NAALADL2: variants seen among roughly 807,000 people sequenced by gnomAD.
NAALADL2 encodes the protein N-acetylated alpha-linked acidic dipeptidase like 2.
Under a neutral mutation model 87.2 loss-of-function variants are expected in NAALADL2, and 76 were observed. The ratio of observed to expected loss-of-function variants is 0.87; its 90% CI spans 0.72 to 1.05. NAALADL2 has a LOEUF of 1.05. Among genes scored for constraint, NAALADL2 ranks in the 50% least tolerant of loss-of-function variants. NAALADL2 has a pLI of 0.00. For missense variants in NAALADL2, 1,089 were observed against 945.8 expected (o/e 1.15, Z -1.99); for synonymous variants, 354 against 331.0 (o/e 1.07, Z -0.75).
At position 175,150,022 on chromosome 3, in the gene NAALADL2, T is replaced by C. The variant is rs560185147; in HGVS notation, c.545+52731T>C. 2.0e-5 allele frequency among the ~76,000 whole-genome samples: 3 copies of C among 152,282 alleles called. No homozygotes were observed. The South Asian group carries it at 6.2e-4, about 32-fold the overall frequency. On this transcript the variant is annotated intron_variant, in intron 2 of 13. Coordinates refer to ENST00000454872, the MANE Select transcript of NAALADL2 (RefSeq NM_207015.3). Reference sequence around the variant, plus strand: ...AAGGAGAAGTTGTCTTACACAGTTATTATCATGCTACTACCTCAGGTATTA... The same window carrying C: ...AAGGAGAAGTTGTCTTACACAGTTACTATCATGCTACTACCTCAGGTATTA...
chr3:175,408,382 C>A (rs1048085960), intron 5 of NAALADL2, among the ~76,000 whole-genome samples: 7 of 151,858 alleles, frequency 4.6e-5, no homozygotes, highest in African/African-American at 1.7e-4. Flanking sequence ...TATTTTGTAT[C>A]CCATAAATAT....
chr3:174,593,723 A>T (rs1717612332), intron 2 of NAALADL2, among the ~76,000 whole-genome samples: 2 of 152,178 alleles, frequency 1.3e-5, no homozygotes, highest in Non-Finnish European at 2.9e-5. Flanking sequence ...TCATTTTCTC[A>T]TTCATGGACT....
chr3:174,548,895 A>G (rs186940204), intron 1 of NAALADL2, among the ~76,000 whole-genome samples: 101 of 152,334 alleles, frequency 6.6e-4, no homozygotes, highest in Admixed American at 3.0e-3. Flanking sequence ...GCTAGAGTGC[A>G]GTGGCACGAT....
At chr3:174,442,288 A>T (rs1457303155) in intron 1 of NAALADL2, among the ~76,000 whole-genome samples, 3 of 152,164 alleles carry the variant, frequency 2.0e-5, no homozygotes, top group Non-Finnish European at 2.9e-5. Context: ...GATTCTTGGT[A>T]TTTTAAGTAC....
chr3:174,932,847 G>C (rs114037301), intron 1 of NAALADL2, among the ~76,000 whole-genome samples: 1,938 of 152,274 alleles, frequency 0.013, 14 homozygotes, highest in Non-Finnish European at 0.018. Context: ...TCTGGGCACG[G>C]TGGCTCACAC....
At chr3:174,453,736 C>T (rs571626311) in intron 1 of NAALADL2, among the ~76,000 whole-genome samples, 16 of 152,250 alleles carry the variant, frequency 1.1e-4, no homozygotes, top group Non-Finnish European at 2.1e-4. Flanking sequence ...ATTGTCAGAC[C>T]TGCTTTACAA....
intron 1 of NAALADL2, among the ~76,000 whole-genome samples, chr3:174,886,307 A>G (rs1007514637): frequency 6.6e-6 from 1 of 152,010 alleles, no homozygotes; most frequent in Non-Finnish European, 1.5e-5. Flanking sequence ...AGGCTAGGCC[A>G]GTCTCTCTTT....
chr3:174,598,846 G>C (rs909987543), intron 2 of NAALADL2, among the ~76,000 whole-genome samples: 12 of 152,104 alleles, frequency 7.9e-5, no homozygotes, highest in Non-Finnish European at 1.3e-4. Flanking sequence ...TGCTAAGAGT[G>C]CAATATTTAA....
chr3:174,450,171 T>A (rs1182771657), intron 1 of NAALADL2, among the ~76,000 whole-genome samples: 1 of 152,154 alleles, frequency 6.6e-6, no homozygotes, highest in African/African-American at 2.4e-5. Flanking sequence ...TGTGAATTTG[T>A]TACCAAAACA....
intron 2 of NAALADL2, among the ~76,000 whole-genome samples, chr3:174,600,221 A>G: frequency 6.6e-6 from 1 of 152,116 alleles, no homozygotes; most frequent in East Asian, 1.9e-4. Context: ...AAAACCGATA[A>G]TATAGATTTG....
chr3:174,784,461 C>G (rs952642514), intron 3 of NAALADL2, among the ~76,000 whole-genome samples: 3 of 152,134 alleles, frequency 2.0e-5, no homozygotes, highest in Non-Finnish European at 2.9e-5. Flanking sequence ...CATTCATGGT[C>G]TGATTACTAT....
At chr3:175,012,733 T>G (rs747280375) in intron 1 of NAALADL2, among the ~76,000 whole-genome samples, 1 of 151,914 alleles carries the variant, frequency 6.6e-6, no homozygotes, top group Non-Finnish European at 1.5e-5. Context: ...TGAGTAGTTG[T>G]GACGGGGAAC....
At chr3:174,629,038 T>C (rs2108687871) in intron 2 of NAALADL2, among the ~76,000 whole-genome samples, 1 of 152,330 alleles carries the variant, frequency 6.6e-6, no homozygotes, top group Non-Finnish European at 1.5e-5. Flanking sequence ...TCCTGCTAAA[T>C]AAAAAATTCT....
intron 1 of NAALADL2, among the ~76,000 whole-genome samples, chr3:174,895,309 G>C (rs1481937367): frequency 6.6e-6 from 1 of 150,976 alleles, no homozygotes; most frequent in Non-Finnish European, 1.5e-5. Context: ...ACAGAGAGAA[G>C]ATCTAAAAAA....
At chr3:175,080,963 T>C (rs1163178013) in intron 1 of NAALADL2, 1 of 152,168 alleles carries the variant, frequency 6.6e-6, no homozygotes, top group African/African-American at 2.4e-5. Context: ...GGATATTAAG[T>C]ACGTAAGGGC....
At chr3:175,499,115 G>C (rs1729200159) in intron 9 of NAALADL2, among the ~76,000 whole-genome samples, 1 of 152,092 alleles carries the variant, frequency 6.6e-6, no homozygotes, top group African/African-American at 2.4e-5. Context: ...ATTAAAACTA[G>C]GTATTTGAGA....
rs144714972 is a variant in NAALADL2, at chr3:175,282,899, C to T, written c.939+26369C>T. ...GATACTACATCTGGTTTGGTAACTA[C>T]CTTTCTGTCTTCTTTTTTTTTTTTT... On this transcript the variant is annotated intron_variant, in intron 4 of 13. Transcript: ENST00000454872. Among the ~76,000 whole-genome samples, 638 of 149,042 alleles carry T rather than the reference C, an allele frequency of 4.3e-3. 6 individuals carry two copies. Among genetic ancestry groups the T allele is most frequent in the African/African-American group, 0.015 (603 of 39,838 alleles).
intron 11 of NAALADL2, among the ~76,000 whole-genome samples, chr3:175,735,694 A>C (rs1744403140): frequency 6.6e-6 from 1 of 152,282 alleles, no homozygotes; most frequent in East Asian, 1.9e-4. Flanking sequence ...AGCATGGGAA[A>C]GACATGCCCC....
At chr3:175,104,844 GA>G (rs1722824736) in intron 2 of NAALADL2, among the ~76,000 whole-genome samples, 1 of 152,084 alleles carries the variant, frequency 6.6e-6, no homozygotes, top group South Asian at 2.1e-4. Context: ...GAATACATAG[GA>G]TAAGATTGAT....
Sources: gnomAD v4.1 joint callset for allele counts (sites outside exome capture counted in the v4.1 genomes callset) on GRCh38, gnomAD v4.1.1 for gene constraint, MANE v1.5 for transcripts, NCBI Gene and HGNC (gene_info 2026-07-23, HGNC 2026-07-21) for gene names.